The following ZCCHC14 variants were observed in gnomAD, a reference collection of about 807,000 sequenced individuals.
ZCCHC14 encodes zinc finger CCHC domain-containing protein 14.
ZCCHC14 carries 16 observed loss-of-function variants against 85.0 expected under a neutral mutation model. That is an observed-to-expected ratio of 0.19 (90% CI 0.13 to 0.29). The LOEUF is 0.29. Ranked by LOEUF, ZCCHC14 falls within the 10% of genes least tolerant of loss-of-function variation. The pLI is 1.00. For synonymous variants in ZCCHC14, 775 were observed against 630.7 expected (o/e 1.23, Z -3.43); for missense variants, 1,303 against 1,443.5 (o/e 0.90, Z 1.58).
chr16:87,433,045 A>G, intron 3 of ZCCHC14, 83 bp downstream of exon 3: 2 of 1,440,464 alleles, frequency 1.4e-6, no homozygotes, highest in South Asian at 1.2e-5. Context: ...GCACAGCCTT[A>G]GCTAGGAAGG....
rs1555527008 is a variant in ZCCHC14, at chr16:87,492,917, G to GCGGCGGCGA, written c.-680_-679insTCGCCGCCG. ...GGATCCGGGCCCGAGCGCGGCGGCG[G>GCGGCGGCGA]CGGCGACGGCGACGGCGACGGCGAC... On this transcript the variant is annotated 5_prime_UTR_variant, in exon 1 of 13. Transcript: ENST00000671377. This position sits in a 1 kb window ranked among gnomAD's most constrained non-coding sequence, Gnocchi z 6.7. 1.4e-5 allele frequency among the ~76,000 whole-genome samples: 2 copies of GCGGCGGCGA among 145,324 alleles called. No homozygotes were observed. The highest frequency in any genetic ancestry group is 2.2e-4 in the East Asian group (1 of 4,606).
rs190996927 is a variant in ZCCHC14 at position 87,437,626 on chromosome 16, C to A, written c.695-4425G>T. On this transcript the variant is annotated intron_variant, in intron 2 of 12. Transcript: ENST00000671377. ...GACCCGAGGCTGGGCCAGGCCTGCG[C>A]CCTCCTGAAGTAAGAACACGAAGGA... 6.9e-4 allele frequency among the ~76,000 whole-genome samples: 105 copies of A among 152,354 alleles called. 1 individual carries two copies. Among genetic ancestry groups the A allele is most frequent in the Admixed American group, 3.1e-3 (47 of 15,304 alleles).
chr16:87,475,468 G>A (rs1334776602), intron 1 of ZCCHC14, among the ~76,000 whole-genome samples: 4 of 150,078 alleles, frequency 2.7e-5, no homozygotes, highest in East Asian at 3.9e-4. Context: ...CAGGAGAATC[G>A]CTTGAACCCA....
In ZCCHC14 at chr16:87,491,630, G is replaced by A; in HGVS notation, c.570+39C>T. 7.3e-7 allele frequency: 1 copy of A among 1,370,694 alleles called. No individual in the cohort carries two copies. The highest frequency in any genetic ancestry group is 3.1e-5 in the East Asian group (1 of 32,748). The allele number at this position is 1,370,694 out of a possible 1,614,324, so 84.9% of individuals were successfully genotyped here. A position where few individuals can be genotyped will look rare whatever the true frequency, so the allele number is the denominator to read the frequency against. ...CTTGGAGTGCAGAGTTGGGGATGCA[G>A]ACTTGGGGTACAGGGCAGAGCTCGG... On this transcript the variant is annotated intron_variant, in intron 1 of 12. Transcript: ENST00000671377. The surrounding 1 kb of genome is among the most constrained non-coding windows in gnomAD (Gnocchi z 5.9).
intron 7 of ZCCHC14, chr16:87,418,066 C>G (rs183802164): frequency 2.9e-6 from 1 of 340,340 alleles, no homozygotes; most frequent in Non-Finnish European, 5.3e-6. Context: ...TGTATGTGTA[C>G]GTCTCTGTCC....
Position 87,447,164 on chromosome 16 carries a change from A to G in ZCCHC14, c.694+12844T>C, listed in dbSNP as rs1174576657. Among the ~76,000 whole-genome samples the G allele has an allele frequency of 7.2e-5, 11 of 152,162 alleles. 1 individual carries two copies. The highest frequency in any genetic ancestry group is 5.9e-4 in the Admixed American group (9 of 15,274). The stretch of plus-strand genomic sequence containing the variant: ...TTTGGGGCAGAGCCTTATAAGACAC[A>G]TACATATTCTTAAAGATGGCGGAAG... On this transcript the variant is annotated intron_variant, in intron 2 of 12. Coordinates refer to ENST00000671377, the MANE Select transcript of ZCCHC14 (RefSeq NM_015144.3).
Position 87,408,445 on chromosome 16 carries a change from C to T in ZCCHC14, c.*1835G>A, listed in dbSNP as rs1908297614. On this transcript the variant is annotated 3_prime_UTR_variant, in exon 13 of 13. Transcript: ENST00000671377. ...TAAACGTAATATGAGAAGGTCCAGT[C>T]TAGTACTCTTTAAGGCAAAGTTGTG... The T allele has an allele frequency of 6.6e-6, 1 of 152,598 alleles. No homozygotes were observed. The highest frequency in any genetic ancestry group is 6.5e-5 in the Admixed American group (1 of 15,282). 9.5% of individuals were successfully genotyped at this position (152,598 alleles called of 1,614,324 possible).
chr16:87,444,338 G>A (rs1013118164), intron 2 of ZCCHC14, among the ~76,000 whole-genome samples: 1 of 152,194 alleles, frequency 6.6e-6, no homozygotes, highest in Non-Finnish European at 1.5e-5. Flanking sequence ...TCAGTTTTCA[G>A]GGGCTCCCAC....
chr16:87,473,067 G>C (rs1228030817), intron 1 of ZCCHC14: 1 of 152,216 alleles, frequency 6.6e-6, no homozygotes, highest in Non-Finnish European at 1.5e-5. Flanking sequence ...GAAACAGTGA[G>C]CTGCAACAGC....
intron 1 of ZCCHC14, among the ~76,000 whole-genome samples, chr16:87,460,466 G>A (rs1358183554): frequency 2.0e-5 from 3 of 152,186 alleles, no homozygotes; most frequent in Non-Finnish European, 4.4e-5. Flanking sequence ...GACGCAGGTG[G>A]ATCTCTTGAG....
Position 87,492,107 on chromosome 16 carries a change from G to A in ZCCHC14, c.132C>T (p.Leu44=), listed in dbSNP as rs1448289486. ...DLCIPLELRF[L]GSCLEDLARK... ...GGGCCAGGTCCTCCAGGCACGAGCC[G>A]AGGAAGCGAAGCTCGAGCGGGATGC... is the stretch of plus-strand genomic sequence containing the variant. The change falls in exon 1 of 13, where the codon CTC becomes CTT. Residue 44 remains leucine, a synonymous_variant. Coordinates refer to ENST00000671377, the MANE Select transcript of ZCCHC14 (RefSeq NM_015144.3). The surrounding 1 kb of genome is among the most constrained non-coding windows in gnomAD (Gnocchi z 6.7). 3 of 1,376,758 alleles carry A rather than the reference G, an allele frequency of 2.2e-6. No individual in the cohort carries two copies. Among genetic ancestry groups the A allele is most frequent in the South Asian group, 1.5e-5 (1 of 65,112 alleles). The allele number at this position is 1,376,758 out of a possible 1,614,324, so 85.3% of individuals were successfully genotyped here.
intron 1 of ZCCHC14, among the ~76,000 whole-genome samples, chr16:87,490,605 G>C (rs1912709195): frequency 6.6e-6 from 1 of 152,218 alleles, no homozygotes; most frequent in African/African-American, 2.4e-5. Context: ...TTGGAGACCG[G>C]AGATCTTTAA....
intron 1 of ZCCHC14, among the ~76,000 whole-genome samples, chr16:87,461,737 C>G (rs76295986): frequency 6.6e-6 from 1 of 152,196 alleles, no homozygotes; most frequent in Non-Finnish European, 1.5e-5. Context: ...AGACTGCTGC[C>G]ACTCCGGCAG....
rs562101721 is a variant in ZCCHC14, at chr16:87,413,995, T to A, written c.1603+419A>T. Among the ~76,000 whole-genome samples, 6 of 152,370 alleles carry A rather than the reference T, an allele frequency of 3.9e-5. No individual in the cohort carries two copies. The South Asian group carries it at 1.2e-3, about 32-fold the overall frequency. On this transcript the variant is annotated intron_variant, in intron 10 of 12. Coordinates refer to ENST00000671377, the MANE Select transcript of ZCCHC14 (RefSeq NM_015144.3). ...TTCTTATGGCAGAGACTATAATAGT[T>A]AATGGAAAATGAGTATAAAGATTTA...
intron 1 of ZCCHC14, among the ~76,000 whole-genome samples, chr16:87,485,922 C>G (rs1022585356): frequency 1.3e-5 from 2 of 152,148 alleles, no homozygotes; most frequent in Non-Finnish European, 1.5e-5. Context: ...AACGCAGATG[C>G]CTATCTCCAG....
At chr16:87,487,068 G>T (rs746722373) in intron 1 of ZCCHC14, among the ~76,000 whole-genome samples, 5 of 152,220 alleles carry the variant, frequency 3.3e-5, no homozygotes, top group African/African-American at 1.2e-4. Flanking sequence ...ATTTTCAACA[G>T]CTTACGAAAA....
rs1031448077 is a variant in ZCCHC14, at chr16:87,424,859, T to C, written c.769-978A>G. Among the ~76,000 whole-genome samples, 4 of 151,952 alleles carry C rather than the reference T, an allele frequency of 2.6e-5. No homozygotes were observed. In the East Asian group the frequency reaches 7.7e-4, roughly 29 times the overall value. On this transcript the variant is annotated intron_variant, in intron 3 of 12. Coordinates refer to ENST00000671377, the MANE Select transcript of ZCCHC14 (RefSeq NM_015144.3). ...GGAAGGGACAAGCACCAAATGCAAATTGCACTCAAGTCCACAAGAAGCTGG... is the reference window on the plus strand; with the variant it reads ...GGAAGGGACAAGCACCAAATGCAAACTGCACTCAAGTCCACAAGAAGCTGG...
intron 1 of ZCCHC14, among the ~76,000 whole-genome samples, chr16:87,464,554 G>A (rs1204258123): frequency 6.6e-6 from 1 of 152,152 alleles, no homozygotes; most frequent in Non-Finnish European, 1.5e-5. Context: ...ACAACTGGAA[G>A]GGGAAAGCCC....
At chr16:87,454,591 C>A (rs1597433480) in intron 2 of ZCCHC14, among the ~76,000 whole-genome samples, 1 of 152,190 alleles carries the variant, frequency 6.6e-6, no homozygotes, top group South Asian at 2.1e-4. Context: ...CCACTGTCAG[C>A]AGAACTGCAG....
Sources: gnomAD v4.1 joint callset for allele counts (sites outside exome capture counted in the v4.1 genomes callset) on GRCh38, gnomAD v4.1.1 for gene constraint, Gnocchi (gnomAD v3.1) non-coding constraint, MANE v1.5 for transcripts, NCBI Gene and HGNC (gene_info 2026-07-23, HGNC 2026-07-21) for gene names.